CNTNAP2: variants seen among roughly 807,000 people sequenced by gnomAD.
The protein encoded by CNTNAP2 is contactin associated protein 2, also known as contactin-associated protein-like 2.
A neutral mutation model predicts 155.2 loss-of-function variants in CNTNAP2; 98 were observed. The observed-to-expected ratio is 0.63, with a 90% CI of 0.54 to 0.75. CNTNAP2 has a LOEUF of 0.75. Ranked by LOEUF, CNTNAP2 falls within the 30% of genes least tolerant of loss-of-function variation. The pLI is 0.00. For synonymous variants in CNTNAP2, 651 were observed against 631.2 expected, an observed-to-expected ratio of 1.03 and a Z score of -0.47; for missense variants, 1,727 against 1,688.1, an observed-to-expected ratio of 1.02 and a Z score of -0.40.
At chr7:147,552,571 AACACACACAC>A (rs34755315) in intron 11 of CNTNAP2, among the ~76,000 whole-genome samples, 1,598 of 142,966 alleles carry the variant, frequency 0.011, 18 homozygotes, top group Non-Finnish European at 0.013. Context: ...TACTTTCCTC[AACACACACAC>A]ACACACACAC....
At position 146,284,593 on chromosome 7, in the gene CNTNAP2, T is replaced by C. The variant is rs572473550; in HGVS notation, c.97+167620T>C. 2.6e-5 allele frequency among the ~76,000 whole-genome samples: 4 copies of C among 152,362 alleles called. No individual in the cohort carries two copies. The South Asian group carries it at 8.3e-4, about 32-fold the overall frequency. On this transcript the variant is annotated intron_variant, in intron 1 of 23. Transcript: ENST00000361727. ...TCTACTTAGCTAAAACTGAATTTGG[T>C]TAATTGTCAACCAAGACTCCAAAAC...
chr7:147,358,646 A>G (rs1317982314), intron 9 of CNTNAP2, among the ~76,000 whole-genome samples: 3 of 152,214 alleles, frequency 2.0e-5, no homozygotes, highest in African/African-American at 4.8e-5. Flanking sequence ...CTTAATACAC[A>G]TAAAAGTGAC....
intron 1 of CNTNAP2, among the ~76,000 whole-genome samples, chr7:146,121,700 G>A (rs1268328508): frequency 1.3e-5 from 2 of 152,136 alleles, no homozygotes; most frequent in African/African-American, 4.8e-5. Flanking sequence ...ATTTATATCT[G>A]TACCAGTATC....
At chr7:146,160,772 T>C (rs1321738333) in intron 1 of CNTNAP2, among the ~76,000 whole-genome samples, 1 of 152,014 alleles carries the variant, frequency 6.6e-6, no homozygotes, top group Non-Finnish European at 1.5e-5. Context: ...CTACCAGAGG[T>C]ACAAAGAGGA....
intron 8 of CNTNAP2, among the ~76,000 whole-genome samples, chr7:147,156,416 CTCACAAAGGCTT>C (rs1801927750): frequency 1.3e-5 from 2 of 152,238 alleles, no homozygotes; most frequent in East Asian, 3.9e-4. Context: ...TTAAATAAAC[CTCACAAAGGCTT>C]TCCTTTGTTT....
Position 146,937,357 on chromosome 7 carries a change from A to AT in CNTNAP2, c.402+97453_402+97454insT, listed in dbSNP as rs1269944455. ...CAGGGTGAGACTCTTGTCTCAAAAA[A>AT]AAAAATAAAAATAAAATAAAATAAA... On this transcript the variant is annotated intron_variant, in intron 3 of 23. Transcript: ENST00000361727. Among the ~76,000 whole-genome samples, 591 of 135,992 alleles carry AT rather than the reference A, an allele frequency of 4.3e-3. 8 individuals are homozygous for AT. Among genetic ancestry groups the AT allele is most frequent in the African/African-American group, 0.014 (542 of 37,756 alleles). 89.2% of individuals were successfully genotyped at this position (135,992 alleles called of 152,430 possible). A position where few individuals can be genotyped will look rare whatever the true frequency, so the allele number is the denominator to read the frequency against.
intron 3 of CNTNAP2, among the ~76,000 whole-genome samples, chr7:146,923,316 C>G (rs1796541413): frequency 6.6e-6 from 1 of 152,054 alleles, no homozygotes; most frequent in Admixed American, 6.6e-5. Context: ...TGAGTGTTTA[C>G]TATGTATGGG....
chr7:148,220,024 T>C (rs913026944), intron 19 of CNTNAP2, among the ~76,000 whole-genome samples: 8 of 152,244 alleles, frequency 5.3e-5, no homozygotes, highest in Non-Finnish European at 7.3e-5. Context: ...GTATGTTCCC[T>C]AGTATTTTCC....
chr7:147,860,580 ACT>A (rs1384767936), intron 13 of CNTNAP2, among the ~76,000 whole-genome samples: 1 of 147,208 alleles, frequency 6.8e-6, no homozygotes, highest in African/African-American at 2.5e-5. Context: ...ACAGAGTGAG[ACT>A]CTGTCTCAAA....
At chr7:146,649,643 A>T (rs1442952822) in intron 1 of CNTNAP2, among the ~76,000 whole-genome samples, 1 of 152,158 alleles carries the variant, frequency 6.6e-6, no homozygotes, top group Non-Finnish European at 1.5e-5. Context: ...CATTTTCAAA[A>T]ATTTACATCT....
intron 1 of CNTNAP2, among the ~76,000 whole-genome samples, chr7:146,180,915 T>C (rs996558517): frequency 2.6e-5 from 4 of 152,164 alleles, no homozygotes; most frequent in East Asian, 1.9e-4. Context: ...CTGTGCCTTG[T>C]AGACTGTGTT....
At chr7:148,096,279 ATGTGTGTGTG>A (rs3056207) in intron 15 of CNTNAP2, among the ~76,000 whole-genome samples, 194 of 144,816 alleles carry the variant, frequency 1.3e-3, no homozygotes, top group African/African-American at 4.3e-3. Flanking sequence ...GCATGCATGC[ATGTGTGTGTG>A]TGTGTGTGTG....
At chr7:148,236,129 T>G (rs139652672) in intron 20 of CNTNAP2, among the ~76,000 whole-genome samples, 4 of 152,320 alleles carry the variant, frequency 2.6e-5, no homozygotes, top group African/African-American at 9.6e-5. Flanking sequence ...CTGATCAATT[T>G]GCTTCTGGTA....
rs145456978 is a variant in CNTNAP2 at position 147,583,396 on chromosome 7, C to A, written c.1897+21139C>A. Among the ~76,000 whole-genome samples, 937 of 151,520 alleles carry A rather than the reference C, an allele frequency of 6.2e-3. 14 individuals carry two copies. Among genetic ancestry groups the A allele is most frequent in the South Asian group, 0.01 (48 of 4,796 alleles). On this transcript the variant is annotated intron_variant, in intron 12 of 23. Coordinates refer to ENST00000361727, the MANE Select transcript of CNTNAP2 (RefSeq NM_014141.6). ...TCCTCTCCATTGGATAGTGCTTTGACAATCACCAACCACTTCTGCTCCTAC... is the reference window on the plus strand; with the variant it reads ...TCCTCTCCATTGGATAGTGCTTTGAAAATCACCAACCACTTCTGCTCCTAC...
At chr7:147,835,254 A>C (rs917521575) in intron 13 of CNTNAP2, among the ~76,000 whole-genome samples, 3 of 152,260 alleles carry the variant, frequency 2.0e-5, no homozygotes, top group African/African-American at 7.2e-5. Context: ...ACAAAACGTC[A>C]GCATGGTCAA....
intron 1 of CNTNAP2, among the ~76,000 whole-genome samples, chr7:146,254,935 T>C (rs947706503): frequency 6.6e-6 from 1 of 151,900 alleles, no homozygotes; most frequent in Non-Finnish European, 1.5e-5. Context: ...GGAAACAAAT[T>C]GGAAACAATT....
intron 21 of CNTNAP2, among the ~76,000 whole-genome samples, chr7:148,374,684 G>T (rs1448837632): frequency 6.6e-6 from 1 of 152,148 alleles, no homozygotes; most frequent in Non-Finnish European, 1.5e-5. Flanking sequence ...TTCGTACACA[G>T]GATTCTATTT....
chr7:147,634,447 T>C (rs1286853282), intron 12 of CNTNAP2, among the ~76,000 whole-genome samples: 1 of 152,112 alleles, frequency 6.6e-6, no homozygotes, highest in Admixed American at 6.6e-5. Flanking sequence ...TTTGGGGACT[T>C]GGCGGGGAAG....
At chr7:148,224,829 G>T (rs976289178) in intron 19 of CNTNAP2, among the ~76,000 whole-genome samples, 3 of 152,162 alleles carry the variant, frequency 2.0e-5, no homozygotes, top group Admixed American at 6.5e-5. Context: ...CATGGCGGCA[G>T]GAGGGAGAAG....
Sources: allele counts gnomAD v4.1 joint callset (sites outside exome capture counted in the v4.1 genomes callset), GRCh38; gene constraint gnomAD v4.1.1; transcripts MANE v1.5; gene names NCBI Gene and HGNC (gene_info 2026-07-23, HGNC 2026-07-21).